The following SUPT5H variants were observed in gnomAD, a reference collection of about 807,000 sequenced individuals.
SUPT5H encodes the protein SPT5 homolog, DSIF elongation factor subunit, also known as transcription elongation factor SPT5.
A neutral mutation model predicts 142.5 loss-of-function variants in SUPT5H; 24 were observed. The observed-to-expected ratio is 0.17, with a 90% CI of 0.12 to 0.24. SUPT5H has a LOEUF of 0.24. SUPT5H is among the 10% of genes least tolerant of loss of function. SUPT5H has a pLI of 1.00. For synonymous variants in SUPT5H, 546 were observed against 553.0 expected, an observed-to-expected ratio of 0.99 and a Z score of 0.18; for missense variants, 893 against 1,471.8, an observed-to-expected ratio of 0.61 and a Z score of 6.43.
Position 39,476,644 on chromosome 19 carries a change from A to T in SUPT5H, c.*245A>T. ...GCTTGCTTTTGTTGTACCGTCTTTC[A>T]ATAAAAAGAAGCTGTTTGGTCTAAA... On this transcript the variant is annotated 3_prime_UTR_variant, in exon 30 of 30. Coordinates refer to ENST00000432763, the MANE Select transcript of SUPT5H (RefSeq NM_001111020.3). 1 of 532,664 alleles carries T rather than the reference A, an allele frequency of 1.9e-6. No homozygotes were observed. The highest frequency in any genetic ancestry group is 3.4e-6 in the Non-Finnish European group (1 of 297,990). 33.0% of individuals were successfully genotyped at this position (532,664 alleles called of 1,614,324 possible).
intron 3 of SUPT5H, among the ~76,000 whole-genome samples, chr19:39,455,795 G>A (rs1312826987): frequency 6.7e-6 from 1 of 149,842 alleles, no homozygotes; most frequent in Non-Finnish European, 1.5e-5. Flanking sequence ...GCTAATTTTT[G>A]TATTTTTAGT....
chr19:39,453,585 T>C, intron 3 of SUPT5H, 64 bp downstream of exon 3: 1 of 1,428,064 alleles, frequency 7.0e-7, no homozygotes, highest in Non-Finnish European at 9.2e-7. Flanking sequence ...TTCCATTTCT[T>C]TTTCTTTTTT....
chr19:39,453,783 T>C (rs1216798864), intron 3 of SUPT5H, among the ~76,000 whole-genome samples: 3 of 152,126 alleles, frequency 2.0e-5, no homozygotes, highest in Non-Finnish European at 4.4e-5. Flanking sequence ...GCCAGGGTGG[T>C]CTCAATCTCC....
chr19:39,468,591 T>A, intron 13 of SUPT5H, 165 bp from the exon 14 acceptor site: 4 of 621,002 alleles, frequency 6.4e-6, no homozygotes, highest in Non-Finnish European at 1.1e-5. Context: ...GGCGGGCCTT[T>A]GGGGTTTGTG....
At position 39,469,543 on chromosome 19, in the gene SUPT5H, A is replaced by AAT; in HGVS notation, c.1374+145_1374+146insAT. 4.1e-6 allele frequency: 5 copies of AAT among 1,223,636 alleles called. No individual in the cohort carries two copies. Among genetic ancestry groups the AAT allele is most frequent in the Non-Finnish European group, 3.4e-6 (3 of 877,352 alleles). 75.8% of individuals were successfully genotyped at this position (1,223,636 alleles called of 1,614,324 possible). ...CTTCTAGCATTCTCAGGTGCCTGAG[A>AAT]GGCTCTGTCTGAGTGCAGCTCAGGG... is the stretch of plus-strand genomic sequence containing the variant. On this transcript the variant is annotated intron_variant, in intron 16 of 29. Transcript: ENST00000432763. This position sits in a 1 kb window ranked among gnomAD's most constrained non-coding sequence, Gnocchi z 5.1.
chr19:39,476,288 C>G lies in SUPT5H; in HGVS notation c.3153C>G (p.Ala1051=). The change falls in exon 30 of 30, where the codon GCC becomes GCG. Residue 1051 remains alanine, a synonymous_variant. Transcript: ENST00000432763. ...TGATCCTGGGCGAGGATCGGGAAGC[C>G]ACGGGCGTCCTACTGAGCATTGATG... ...VKVILGEDRE[A]TGVLLSIDGE... The G allele has an allele frequency of 6.2e-7, 1 of 1,614,092 alleles. No individual in the cohort carries two copies. The highest frequency in any genetic ancestry group is 8.5e-7 in the Non-Finnish European group (1 of 1,180,020).
chr19:39,446,903 G>A (rs1419386453), intron 2 of SUPT5H, among the ~76,000 whole-genome samples: 1 of 152,216 alleles, frequency 6.6e-6, no homozygotes, highest in Non-Finnish European at 1.5e-5. Flanking sequence ...CAGCTACTCG[G>A]GAGGCTGAAG....
chr19:39,464,772 C>T (rs1259132321), intron 10 of SUPT5H, 26 bp from the exon 11 acceptor site: 2 of 1,573,696 alleles, frequency 1.3e-6, no homozygotes, highest in East Asian at 2.3e-5. Flanking sequence ...CTCACTGTTT[C>T]CTCCTTCCAC....
At position 39,466,783 on chromosome 19, in the gene SUPT5H, G is replaced by A. The variant is rs770593582; in HGVS notation, c.1037+38G>A. ...GGGGACTGGCTGGGCTGGGTCCCCA[G>A]GGCCGGTGTGTAGAATGTGCCTTTT... is the stretch of plus-strand genomic sequence containing the variant. On this transcript the variant is annotated intron_variant, in intron 13 of 29. Transcript: ENST00000432763. The surrounding 1 kb of genome is among the most constrained non-coding windows in gnomAD (Gnocchi z 4.3). 6.2e-7 allele frequency: 1 copy of A among 1,601,850 alleles called. No individual in the cohort carries two copies. The highest frequency in any genetic ancestry group is 1.3e-5 in the African/African-American group (1 of 74,688).
In SUPT5H at chr19:39,466,295, G is replaced by A. The variant is rs2079234962; in HGVS notation, c.877-185G>A. ...CAGGTGGAGATACCAAGCAGGCAGTGGCTACTCAGTGCCAGAGTTGAGGGG... is the reference window on the plus strand; with the variant it reads ...CAGGTGGAGATACCAAGCAGGCAGTAGCTACTCAGTGCCAGAGTTGAGGGG... On this transcript the variant is annotated intron_variant, in intron 11 of 29. Coordinates refer to ENST00000432763, the MANE Select transcript of SUPT5H (RefSeq NM_001111020.3). The surrounding 1 kb of genome is among the most constrained non-coding windows in gnomAD (Gnocchi z 4.3). Among the ~76,000 whole-genome samples the A allele has an allele frequency of 6.6e-6, 1 of 152,180 alleles. No homozygotes were observed. The highest frequency in any genetic ancestry group is 1.5e-5 in the Non-Finnish European group (1 of 68,032).
At chr19:39,447,826 C>CT (rs2078972817) in intron 2 of SUPT5H, among the ~76,000 whole-genome samples, 1 of 152,214 alleles carries the variant, frequency 6.6e-6, no homozygotes, top group African/African-American at 2.4e-5. Flanking sequence ...GGTAGGAAAT[C>CT]TTTGCATTTT....
intron 9 of SUPT5H, 80 bp downstream of exon 9, chr19:39,459,669 C>G: frequency 6.4e-7 from 1 of 1,574,004 alleles, no homozygotes; most frequent in Non-Finnish European, 8.7e-7. Flanking sequence ...GTCTGTCTGT[C>G]CCGGGTCTCC....
chr19:39,474,035 C>G lies in SUPT5H; in HGVS notation c.2565C>G (p.Pro855=). 3.1e-6 allele frequency: 5 copies of G among 1,613,130 alleles called. No homozygotes were observed. In the South Asian group the frequency reaches 5.5e-5, roughly 18 times the overall value. The change falls in exon 26 of 30, where the codon CCC becomes CCG. Residue 855 remains proline (P), a synonymous_variant. Transcript: ENST00000432763. This position sits in a 1 kb window ranked among gnomAD's most constrained non-coding sequence, Gnocchi z 6.5. ...CCCCGCAGGCCTATGGGGGAACCCC[C>G]AATCCCCAAACACCTGGCTACCCAG... is the stretch of plus-strand genomic sequence containing the variant. The part of the protein sequence containing the change: ...TPSPQAYGGT[P]NPQTPGYPDP...
At chr19:39,457,389 T>C (rs1271828114) in intron 3 of SUPT5H, among the ~76,000 whole-genome samples, 1 of 152,182 alleles carries the variant, frequency 6.6e-6, no homozygotes, top group Non-Finnish European at 1.5e-5. Context: ...GGAGGGAACT[T>C]TTCTTTTTGC....
chr19:39,474,356 A>C lies in SUPT5H; in HGVS notation c.2774A>C (p.His925Pro). 1 of 1,612,422 alleles carries C rather than the reference A, an allele frequency of 6.2e-7. No individual in the cohort carries two copies. Among genetic ancestry groups the C allele is most frequent in the Non-Finnish European group, 8.5e-7 (1 of 1,179,614 alleles). ...APSPAGYQNT[H>P]SPASYHPTPS... ...AGCCCAGCAGGCTACCAGAATACCC[A>C]CTCCCCAGCCAGCTACCACCCTACA... The change falls in exon 27 of 30, where the codon CAC (histidine) becomes CCC (proline). Residue 925 changes from histidine to proline, a missense_variant. Physicochemically the swap from His to Pro is moderately conservative, Grantham distance 77 (BLOSUM62 -2). This residue lies in a region of SUPT5H where 336 missense variants were observed against 546.5 expected (regional missense o/e 0.61). Coordinates refer to ENST00000432763, the MANE Select transcript of SUPT5H (RefSeq NM_001111020.3). The surrounding 1 kb of genome is among the most constrained non-coding windows in gnomAD (Gnocchi z 6.5).
intron 2 of SUPT5H, among the ~76,000 whole-genome samples, chr19:39,451,744 C>T (rs192350872): frequency 6.0e-4 from 92 of 152,158 alleles, no homozygotes; most frequent in African/African-American, 2.0e-3. Flanking sequence ...ATTGGCTAGG[C>T]GGGTCTTGTA....
In SUPT5H at chr19:39,467,109, G is replaced by A. The variant is rs187175750; in HGVS notation, c.1037+364G>A. The A allele has an allele frequency of 9.4e-4, 158 of 167,746 alleles. 1 individual carries two copies. The highest frequency in any genetic ancestry group is 1.3e-3 in the Non-Finnish European group (104 of 77,048). The allele number at this position is 167,746 out of a possible 1,614,324, so 10.4% of individuals were successfully genotyped here. A position where few individuals can be genotyped will look rare whatever the true frequency, so the allele number is the denominator to read the frequency against. On this transcript the variant is annotated intron_variant, in intron 13 of 29. Transcript: ENST00000432763. ...TTTAAAAAGATTGATGAGGCTGGGC[G>A]TGATGGCTCACACCTATAATCCCAG...
Position 39,458,546 on chromosome 19 carries a change from G to A in SUPT5H, c.319+241G>A. On this transcript the variant is annotated intron_variant, in intron 5 of 29. Coordinates refer to ENST00000432763, the MANE Select transcript of SUPT5H (RefSeq NM_001111020.3). This position sits in a 1 kb window ranked among gnomAD's most constrained non-coding sequence, Gnocchi z 4.2. ...GCATTTGTGGGTGGTAGCGATGTGT[G>A]GGGTGGGGTGCAGTCCAGGGTGTGC... 2.5e-6 allele frequency: 2 copies of A among 814,708 alleles called. No individual in the cohort carries two copies. Among genetic ancestry groups the A allele is most frequent in the Non-Finnish European group, 3.9e-6 (2 of 519,100 alleles). 50.5% of individuals were successfully genotyped at this position (814,708 alleles called of 1,614,324 possible). A position where few individuals can be genotyped will look rare whatever the true frequency, so the allele number is the denominator to read the frequency against.
intron 4 of SUPT5H, 89 bp downstream of exon 4, chr19:39,457,829 C>T (rs780514608): frequency 1.9e-6 from 3 of 1,579,532 alleles, no homozygotes; most frequent in Non-Finnish European, 2.6e-6. Flanking sequence ...CCCGCATCCC[C>T]TGTACACCCC....
Sources: allele counts gnomAD v4.1 joint callset (sites outside exome capture counted in the v4.1 genomes callset), GRCh38; gene constraint gnomAD v4.1.1; regional missense constraint gnomAD v4.1.1; non-coding constraint Gnocchi (gnomAD v3.1); transcripts MANE v1.5; gene names NCBI Gene and HGNC (gene_info 2026-07-23, HGNC 2026-07-21).